The following C8orf34 variants were observed in gnomAD, a reference collection of about 807,000 sequenced individuals.
C8orf34 encodes the protein uncharacterized protein C8orf34.
C8orf34 carries 65 observed loss-of-function variants against 68.3 expected under a neutral mutation model. That is an observed-to-expected ratio of 0.95 (90% CI 0.78 to 1.17). C8orf34 has a LOEUF of 1.17. Among genes scored for constraint, C8orf34 ranks in the 50% most tolerant of loss-of-function variants. C8orf34 has a pLI of 0.00. For synonymous variants in C8orf34, 244 were observed against 241.2 expected (o/e 1.01, Z -0.11); for missense variants, 664 against 655.4 (o/e 1.01, Z -0.14).
chr8:68,332,351 T>TCCTGCCTTGCCCCCGCCTTGCC (rs1805654067), intron 1 of C8orf34, among the ~76,000 whole-genome samples: 2 of 105,906 alleles, frequency 1.9e-5, no homozygotes, highest in Non-Finnish European at 3.9e-5. Flanking sequence ...GTCGAGGTGC[T>TCCTGCCTTGCCCCCGCCTTGCC]CCCGCCTTGC....
chr8:68,430,276 AG>A (rs755967799), intron 1 of C8orf34, among the ~76,000 whole-genome samples: 5 of 152,214 alleles, frequency 3.3e-5, no homozygotes, highest in Non-Finnish European at 7.3e-5. Context: ...CCGACCCCAC[AG>A]GGACAGAAGC....
intron 8 of C8orf34, among the ~76,000 whole-genome samples, chr8:68,659,020 C>G (rs1467861230): frequency 6.6e-6 from 1 of 152,100 alleles, no homozygotes; most frequent in Non-Finnish European, 1.5e-5. Flanking sequence ...TTTGTAAACT[C>G]ATCAGGAAGG....
At chr8:68,617,349 C>G (rs1385605594) in intron 7 of C8orf34, among the ~76,000 whole-genome samples, 3 of 152,132 alleles carry the variant, frequency 2.0e-5, no homozygotes, top group African/African-American at 7.2e-5. Context: ...TGTTATTTTG[C>G]TCGTTAGTTG....
intron 3 of C8orf34, among the ~76,000 whole-genome samples, chr8:68,454,236 T>A (rs1811459320): frequency 6.6e-6 from 1 of 152,082 alleles, no homozygotes; most frequent in African/African-American, 2.4e-5. Context: ...TCTTTTCTGG[T>A]AATGTCTTTA....
chr8:68,718,417 A>G (rs1821538154), intron 9 of C8orf34, among the ~76,000 whole-genome samples: 1 of 152,204 alleles, frequency 6.6e-6, no homozygotes, highest in Non-Finnish European at 1.5e-5. Context: ...TAATATATCA[A>G]AAATGTGTTG....
intron 5 of C8orf34, among the ~76,000 whole-genome samples, chr8:68,492,486 C>A (rs1813356891): frequency 6.6e-6 from 1 of 151,988 alleles, no homozygotes; most frequent in African/African-American, 2.4e-5. Context: ...TTCTCAGCCT[C>A]CCAAGGGATT....
chr8:68,334,605 T>A (rs1370340641), intron 1 of C8orf34, among the ~76,000 whole-genome samples: 2 of 152,054 alleles, frequency 1.3e-5, no homozygotes, highest in Non-Finnish European at 2.9e-5. Context: ...GAGTGTGAAA[T>A]CTTAAGTTAC....
chr8:68,751,272 A>G (rs922376122), intron 10 of C8orf34, among the ~76,000 whole-genome samples: 9 of 152,134 alleles, frequency 5.9e-5, no homozygotes, highest in African/African-American at 2.4e-5. Context: ...GATTTCAAAT[A>G]TTTTGGCTTA....
At chr8:68,421,386 A>G (rs1586104065) in intron 1 of C8orf34, among the ~76,000 whole-genome samples, 1 of 152,236 alleles carries the variant, frequency 6.6e-6, no homozygotes, top group Non-Finnish European at 1.5e-5. Flanking sequence ...ACCAACAGGT[A>G]TAGATAAACA....
chr8:68,710,396 A>G (rs1821298220), intron 9 of C8orf34, among the ~76,000 whole-genome samples: 1 of 152,042 alleles, frequency 6.6e-6, no homozygotes, highest in Non-Finnish European at 1.5e-5. Context: ...TTGAGGGGGC[A>G]CAGTGGGTGT....
chr8:68,636,214 CT>C (rs1459565726), intron 7 of C8orf34, among the ~76,000 whole-genome samples: 3 of 152,000 alleles, frequency 2.0e-5, no homozygotes, highest in Non-Finnish European at 4.4e-5. Context: ...GGAAACTGAT[CT>C]TTATTGATGA....
chr8:68,353,410 T>C (rs1341415164), intron 1 of C8orf34, among the ~76,000 whole-genome samples: 1 of 151,910 alleles, frequency 6.6e-6, no homozygotes, highest in Non-Finnish European at 1.5e-5. Flanking sequence ...CCAGTAGTTT[T>C]ATGAGTGATG....
chr8:68,331,996 A>C (rs574400110), intron 1 of C8orf34, among the ~76,000 whole-genome samples: 95 of 147,978 alleles, frequency 6.4e-4, no homozygotes, highest in South Asian at 5.0e-3. Flanking sequence ...TGCACTGCAG[A>C]CCCCACATGT....
intron 4 of C8orf34, among the ~76,000 whole-genome samples, chr8:68,485,399 A>G (rs1813030922): frequency 6.6e-6 from 1 of 152,084 alleles, no homozygotes; most frequent in African/African-American, 2.4e-5. Context: ...CGAGAGCATG[A>G]TGCAGGAAGT....
At chr8:68,796,739 A>G (rs1824187113) in intron 12 of C8orf34, among the ~76,000 whole-genome samples, 1 of 152,106 alleles carries the variant, frequency 6.6e-6, no homozygotes, top group Non-Finnish European at 1.5e-5. Context: ...TATTTACATA[A>G]TCCAATCACT....
rs117400519 is a variant in C8orf34, at chr8:68,810,490, C to G, written c.1550-5396C>G. Reference sequence around the variant, plus strand: ...TTCTGGGGTCCCTGAAGGGCCACAGCTCTTCTCTCCTTCTCTCTTCTCTAC... The same window carrying G: ...TTCTGGGGTCCCTGAAGGGCCACAGGTCTTCTCTCCTTCTCTCTTCTCTAC... On this transcript the variant is annotated intron_variant, in intron 12 of 13. Transcript: ENST00000518698. 7.9e-3 allele frequency among the ~76,000 whole-genome samples: 1,209 copies of G among 152,204 alleles called. 10 individuals are homozygous for G. The highest frequency in any genetic ancestry group is 0.02 in the Middle Eastern group (6 of 294).
chr8:68,630,243 G>C (rs1187695241), intron 7 of C8orf34, among the ~76,000 whole-genome samples: 1 of 151,436 alleles, frequency 6.6e-6, no homozygotes, highest in Non-Finnish European at 1.5e-5. Context: ...AAAAGAAACA[G>C]GTAAAATTAA....
intron 7 of C8orf34, among the ~76,000 whole-genome samples, chr8:68,582,489 G>C (rs565565345): frequency 2.7e-4 from 41 of 152,196 alleles, no homozygotes; most frequent in African/African-American, 9.4e-4. Flanking sequence ...TGGGGAAAAG[G>C]CTTTCCAGTT....
At chr8:68,443,520 A>G (rs1306716768) in intron 2 of C8orf34, among the ~76,000 whole-genome samples, 3 of 151,306 alleles carry the variant, frequency 2.0e-5, no homozygotes, top group Non-Finnish European at 4.4e-5. Context: ...TCAGCCACCC[A>G]AGTAGCTGGG....
Sources: gnomAD v4.1 joint callset for allele counts (sites outside exome capture counted in the v4.1 genomes callset) on GRCh38, gnomAD v4.1.1 for gene constraint, MANE v1.5 for transcripts, NCBI Gene and HGNC (gene_info 2026-07-23, HGNC 2026-07-21) for gene names.